HK2: variants seen among roughly 807,000 people sequenced by gnomAD.
The protein encoded by HK2 is hexokinase-2.
In HK2, 42 loss-of-function variants were observed where a neutral mutation model predicts 92.9. The observed-to-expected ratio is 0.45, with a 90% CI of 0.35 to 0.58. The LOEUF (loss-of-function observed/expected upper bound fraction) is 0.58. HK2 is among the 20% of genes least tolerant of loss of function. HK2 has a pLI of 0.00. For synonymous variants in HK2, 422 were observed against 468.0 expected (o/e 0.90, Z 1.27); for missense variants, 978 against 1,245.1 (o/e 0.79, Z 3.23).
chr2:74,851,946 CCAGGCAGGCAGGGGGCAGTCATCTAG>C (rs1212209474), intron 1 of HK2, among the ~76,000 whole-genome samples: 1 of 152,168 alleles, frequency 6.6e-6, no homozygotes, highest in Non-Finnish European at 1.5e-5. Flanking sequence ...CCTGCTGTAT[CCAGGCAGGCAGGGGGCAGTCATCTAG>C]CAGAGTGGAC....
intron 2 of HK2, among the ~76,000 whole-genome samples, chr2:74,867,141 T>C (rs1033636125): frequency 2.0e-5 from 3 of 152,044 alleles, no homozygotes; most frequent in African/African-American, 7.3e-5. Flanking sequence ...CTGTCTTATA[T>C]TGTTGATTGA....
chr2:74,860,023 A>G lies in HK2; in HGVS notation c.226+5568A>G, dbSNP rs374947365. On this transcript the variant is annotated intron_variant, in intron 2 of 17. Coordinates refer to ENST00000290573, the MANE Select transcript of HK2 (RefSeq NM_000189.5). ...ATGAAATAATGTATTTTGCAGCATC[A>G]TGGATGGAACTGGAGGCTGTTATTT... 3.3e-5 allele frequency among the ~76,000 whole-genome samples: 5 copies of G among 152,340 alleles called. 1 individual carries two copies. Among genetic ancestry groups the G allele is most frequent in the African/African-American group, 1.2e-4 (5 of 41,586 alleles).
At position 74,877,146 on chromosome 2, in the gene HK2, T is replaced by A; in HGVS notation, c.876-20T>A. 3 of 1,613,418 alleles carry A rather than the reference T, an allele frequency of 1.9e-6. No homozygotes were observed. The Admixed American group carries it at 5.0e-5, about 27-fold the overall frequency. ...ATGGGCAGTGGGGACTTTATGTTTT[T>A]GGTTTGTGTCTTCCGGCAGGTTTGA... On this transcript the variant is annotated intron_variant, in intron 7 of 17. Coordinates refer to ENST00000290573, the MANE Select transcript of HK2 (RefSeq NM_000189.5).
intron 8 of HK2, among the ~76,000 whole-genome samples, chr2:74,877,915 A>G (rs1220766338): frequency 6.6e-6 from 1 of 152,130 alleles, no homozygotes; most frequent in East Asian, 1.9e-4. Flanking sequence ...CCACTTGTAG[A>G]TTGAAGAAGT....
At chr2:74,848,282 A>C (rs1169438142) in intron 1 of HK2, among the ~76,000 whole-genome samples, 1 of 152,230 alleles carries the variant, frequency 6.6e-6, no homozygotes. Context: ...TTGATCTATA[A>C]TATGAGCCAG....
rs1689654538 is a variant in HK2, at chr2:74,890,672, CCTT to C, written c.2610-122_2610-120del. 2.8e-6 allele frequency: 3 copies of C among 1,082,824 alleles called. No homozygotes were observed. In the East Asian group the frequency reaches 7.1e-5, roughly 26 times the overall value. 67.1% of individuals were successfully genotyped at this position (1,082,824 alleles called of 1,614,324 possible). ...ATGTTTAATACATTATAGCTGTCAT[CCTT>C]CTCCTCTTCTTAATTATTTCTGTGT... is the stretch of plus-strand genomic sequence containing the variant. On this transcript the variant is annotated intron_variant, in intron 17 of 17. Coordinates refer to ENST00000290573, the MANE Select transcript of HK2 (RefSeq NM_000189.5).
chr2:74,840,650 G>A (rs986587646), intron 1 of HK2, among the ~76,000 whole-genome samples: 7 of 149,614 alleles, frequency 4.7e-5, no homozygotes, highest in Non-Finnish European at 1.0e-4. Context: ...GGCGGATCAC[G>A]AGGTCAGGAT....
chr2:74,851,057 G>T (rs1458544626), intron 1 of HK2, among the ~76,000 whole-genome samples: 1 of 150,510 alleles, frequency 6.6e-6, no homozygotes, highest in Non-Finnish European at 1.5e-5. Flanking sequence ...TGATGGAGAG[G>T]AAAATAAGGT....
intron 1 of HK2, among the ~76,000 whole-genome samples, chr2:74,846,163 C>T (rs1688429414): frequency 6.6e-6 from 1 of 152,222 alleles, no homozygotes; most frequent in South Asian, 2.1e-4. Context: ...AATTAAGTTG[C>T]AAGCATGTGT....
At chr2:74,882,709 G>A (rs1161082279) in intron 12 of HK2, among the ~76,000 whole-genome samples, 1 of 149,170 alleles carries the variant, frequency 6.7e-6, no homozygotes, top group Non-Finnish European at 1.5e-5. Context: ...AACCATATAA[G>A]AGATATGTTT....
In HK2 at chr2:74,834,268, A is replaced by T. The variant is rs1318062697; in HGVS notation, c.-313A>T. The T allele has an allele frequency of 2.1e-6, 1 of 466,940 alleles. No individual in the cohort carries two copies. 28.9% of individuals were successfully genotyped at this position (466,940 alleles called of 1,614,324 possible). A position where few individuals can be genotyped will look rare whatever the true frequency, so the allele number is the denominator to read the frequency against. ...ACTGCCCGAGTGGAGCCGGGCTGAG[A>T]TTCTTCTCAAGTTGAGCCTCAGTGA... is the stretch of plus-strand genomic sequence containing the variant. On this transcript the variant is annotated 5_prime_UTR_variant, in exon 1 of 18. Coordinates refer to ENST00000290573, the MANE Select transcript of HK2 (RefSeq NM_000189.5). The surrounding 1 kb of genome is among the most constrained non-coding windows in gnomAD (Gnocchi z 4.2).
chr2:74,891,952 C>T lies in HK2; in HGVS notation c.*1011C>T, dbSNP rs1689690431. ...GCCTGTGGGAAGAGAAGGGAAGCCT[C>T]TTCAGGGTGAGTGAATGGCAAAGCG... On this transcript the variant is annotated 3_prime_UTR_variant, in exon 18 of 18. Transcript: ENST00000290573. 6.6e-6 allele frequency: 1 copy of T among 152,612 alleles called. No individual in the cohort carries two copies. Among genetic ancestry groups the T allele is most frequent in the Admixed American group, 6.5e-5 (1 of 15,280 alleles). The allele number at this position is 152,612 out of a possible 1,614,324, so 9.5% of individuals were successfully genotyped here. A position where few individuals can be genotyped will look rare whatever the true frequency, so the allele number is the denominator to read the frequency against.
intron 13 of HK2, 87 bp downstream of exon 13, chr2:74,885,676 A>C (rs1011332594): frequency 2.2e-6 from 2 of 901,410 alleles, no homozygotes; most frequent in Non-Finnish European, 3.7e-6. Context: ...GGCAACAGTA[A>C]GTGTGGCTGC....
intron 9 of HK2, among the ~76,000 whole-genome samples, chr2:74,879,339 C>A (rs1312061943): frequency 6.6e-6 from 1 of 152,220 alleles, no homozygotes; most frequent in Non-Finnish European, 1.5e-5. Context: ...GCCCTGTCCA[C>A]ATTTTGATCC....
chr2:74,888,444 C>T (rs762592950), intron 16 of HK2, among the ~76,000 whole-genome samples: 1 of 152,194 alleles, frequency 6.6e-6, no homozygotes, highest in Non-Finnish European at 1.5e-5. Flanking sequence ...AATCAGGCAG[C>T]CAGGATTGAG....
chr2:74,865,407 C>T (rs1171398142), intron 2 of HK2, among the ~76,000 whole-genome samples: 1 of 152,094 alleles, frequency 6.6e-6, no homozygotes, highest in Non-Finnish European at 1.5e-5. Flanking sequence ...GCCTCGCCAC[C>T]TCGGTCCCCT....
chr2:74,838,316 G>A (rs953286436), intron 1 of HK2, among the ~76,000 whole-genome samples: 1 of 152,142 alleles, frequency 6.6e-6, no homozygotes, highest in African/African-American at 2.4e-5. Context: ...AGGAAGTGGA[G>A]GAGCTGGGCA....
At chr2:74,858,611 G>A (rs1220621260) in intron 2 of HK2, among the ~76,000 whole-genome samples, 1 of 152,192 alleles carries the variant, frequency 6.6e-6, no homozygotes, top group Non-Finnish European at 1.5e-5. Flanking sequence ...ACTAAGAAAA[G>A]GTGTGTAAGA....
chr2:74,885,391 C>T (rs372983442), intron 12 of HK2, 103 bp from the exon 13 acceptor site: 8 of 785,632 alleles, frequency 1.0e-5, no homozygotes, highest in East Asian at 2.6e-5. Context: ...CTGGGGGATC[C>T]GTCTGACCTG....
Sources: gnomAD v4.1 joint callset for allele counts (sites outside exome capture counted in the v4.1 genomes callset) on GRCh38, gnomAD v4.1.1 for gene constraint, Gnocchi (gnomAD v3.1) non-coding constraint, MANE v1.5 for transcripts, NCBI Gene and HGNC (gene_info 2026-07-23, HGNC 2026-07-21) for gene names.